WWOX: variants seen among roughly 807,000 people sequenced by gnomAD.
WWOX encodes WW domain containing oxidoreductase, also known as WW domain-containing oxidoreductase.
A neutral mutation model predicts 46.2 loss-of-function variants in WWOX; 69 were observed. The observed-to-expected ratio is 1.49, with a 90% CI of 1.23 to 1.82. The LOEUF is 1.82. Ranked by LOEUF, WWOX falls within the 40% of genes most tolerant of loss-of-function variation. The pLI, the probability that WWOX is intolerant of heterozygous loss-of-function variation, is 0.00. For synonymous variants in WWOX, 359 were observed against 202.6 expected, an observed-to-expected ratio of 1.77 and a Z score of -6.56; for missense variants, 919 against 542.6, an observed-to-expected ratio of 1.69 and a Z score of -6.89.
rs1447332028 is a variant in WWOX at position 78,432,546 on chromosome 16, A to G, written c.850A>G (p.Lys284Glu). The change falls in exon 8 of 9, where the codon AAA (lysine) becomes GAA (glutamate). Residue 284 changes from lysine to glutamate, a missense_variant. By Grantham distance (56) the Lys-to-Glu change is moderately conservative (BLOSUM62 1). Transcript: ENST00000566780. ...GGACTTCAGTCGCCTCTCTCCAACA[A>G]AAAACGACTATTGGGCGATGCTGGC... ...KLDFSRLSPT[K>E]NDYWAMLAYN... is the part of the protein sequence containing the mutation. 2.5e-6 allele frequency: 4 copies of G among 1,614,044 alleles called. No homozygotes were observed. Among genetic ancestry groups the G allele is most frequent in the Admixed American group, 1.7e-5 (1 of 60,002 alleles).
chr16:78,878,482 C>T (rs1211559601), intron 8 of WWOX, among the ~76,000 whole-genome samples: 1 of 152,070 alleles, frequency 6.6e-6, no homozygotes, highest in Non-Finnish European at 1.5e-5. Flanking sequence ...CTTGGGGGAG[C>T]ATCAAATGAA....
intron 8 of WWOX, among the ~76,000 whole-genome samples, chr16:78,546,043 G>T (rs932004587): frequency 2.6e-5 from 4 of 152,166 alleles, no homozygotes; most frequent in Non-Finnish European, 5.9e-5. Context: ...CATGCTCTAT[G>T]CTGGGCACAA....
At chr16:78,149,425 G>A (rs1343247705) in intron 4 of WWOX, among the ~76,000 whole-genome samples, 3 of 152,226 alleles carry the variant, frequency 2.0e-5, no homozygotes, top group Non-Finnish European at 2.9e-5. Flanking sequence ...GCAAAGGACA[G>A]TGTTAATTCT....
At chr16:78,846,890 C>A (rs190537724) in intron 8 of WWOX, among the ~76,000 whole-genome samples, 1 of 152,132 alleles carries the variant, frequency 6.6e-6, no homozygotes, top group African/African-American at 2.4e-5. Flanking sequence ...AAGGCTGTTT[C>A]TTCTTCTCCA....
At chr16:78,903,561 CCCT>C (rs1168527417) in intron 8 of WWOX, among the ~76,000 whole-genome samples, 1 of 152,158 alleles carries the variant, frequency 6.6e-6, no homozygotes, top group Middle Eastern at 3.2e-3. Flanking sequence ...AAAGAGTAGC[CCCT>C]CCTCCTTTTG....
At chr16:79,150,518 G>A (rs1288028628) in intron 8 of WWOX, among the ~76,000 whole-genome samples, 1 of 152,202 alleles carries the variant, frequency 6.6e-6, no homozygotes, top group Non-Finnish European at 1.5e-5. Flanking sequence ...AAGATAGTGT[G>A]CATGCCTCAT....
chr16:78,135,002 C>T (rs1170955206), intron 4 of WWOX, among the ~76,000 whole-genome samples: 1 of 152,158 alleles, frequency 6.6e-6, no homozygotes, highest in Non-Finnish European at 1.5e-5. Context: ...AAGCAATGCA[C>T]AGATAGAAAG....
chr16:78,399,018 G>A (rs542438080), intron 6 of WWOX, among the ~76,000 whole-genome samples: 1 of 148,616 alleles, frequency 6.7e-6, no homozygotes, highest in African/African-American at 2.6e-5. Flanking sequence ...GTGGCTGGCT[G>A]GCTAGATGGA....
chr16:78,345,839 T>C (rs34663492), intron 5 of WWOX, among the ~76,000 whole-genome samples: 43,754 of 116,720 alleles, frequency 0.37, 15,518 homozygotes, highest in Middle Eastern at 0.59. Context: ...TTTGCTTACT[T>C]GCTTGGATTG....
intron 8 of WWOX, among the ~76,000 whole-genome samples, chr16:78,977,276 G>A (rs7186745): frequency 0.14 from 21,146 of 152,166 alleles, 1,512 homozygotes; most frequent in Middle Eastern, 0.29. Flanking sequence ...AGAGAGGTTC[G>A]AGCTCTTAAA....
intron 8 of WWOX, among the ~76,000 whole-genome samples, chr16:78,703,057 C>T (rs930391684): frequency 6.6e-6 from 1 of 152,118 alleles, no homozygotes; most frequent in Non-Finnish European, 1.5e-5. Flanking sequence ...TTGTTGGGAT[C>T]AGAGAAGGCT....
chr16:78,401,938 T>G (rs1025860715), intron 6 of WWOX, among the ~76,000 whole-genome samples: 1 of 152,100 alleles, frequency 6.6e-6, no homozygotes, highest in Non-Finnish European at 1.5e-5. Context: ...GACCTCTAGA[T>G]CCGCCTGCCT....
intron 8 of WWOX, among the ~76,000 whole-genome samples, chr16:78,753,459 T>C: frequency 6.6e-6 from 1 of 152,128 alleles, no homozygotes; most frequent in Non-Finnish European, 1.5e-5. Context: ...CAGTTTTCTT[T>C]GTTGCAGCAA....
intron 5 of WWOX, among the ~76,000 whole-genome samples, chr16:78,302,694 T>A (rs1298123463): frequency 2.0e-5 from 3 of 152,190 alleles, no homozygotes; most frequent in Non-Finnish European, 1.5e-5. Context: ...CCATACCTTA[T>A]TGTCTCCCTT....
rs1276270119 is a variant in WWOX, at chr16:78,115,091, A to AT, written c.348dup (p.Leu117SerfsTer17). On this transcript the variant is annotated frameshift_variant, in exon 4 of 9. Coordinates refer to ENST00000566780, the MANE Select transcript of WWOX (RefSeq NM_016373.4). LOFTEE classifies it high-confidence loss of function. Reference sequence around the variant, plus strand: ...CGACGGCAGCACCACTGCCATGGAAATTCTCCAGGGCCGGGATTTCACTGG... The same window carrying AT: ...CGACGGCAGCACCACTGCCATGGAAATTTCTCCAGGGCCGGGATTTCACTGG... 6.2e-7 allele frequency: 1 copy of AT among 1,614,076 alleles called. No homozygotes were observed. The highest frequency in any genetic ancestry group is 2.2e-5 in the East Asian group (1 of 44,896).
chr16:78,753,349 C>T (rs1233509715), intron 8 of WWOX, among the ~76,000 whole-genome samples: 2 of 152,002 alleles, frequency 1.3e-5, no homozygotes, highest in African/African-American at 4.8e-5. Context: ...GAAAGAACCT[C>T]TTAGGCAACT....
At chr16:78,851,944 G>A (rs887229740) in intron 8 of WWOX, among the ~76,000 whole-genome samples, 2 of 152,226 alleles carry the variant, frequency 1.3e-5, no homozygotes, top group East Asian at 3.9e-4. Context: ...AAAGCCTCTT[G>A]GTTTCTGTAC....
intron 8 of WWOX, among the ~76,000 whole-genome samples, chr16:79,162,295 C>T (rs2347567): frequency 6.6e-6 from 1 of 152,002 alleles, no homozygotes; most frequent in Non-Finnish European, 1.5e-5. Flanking sequence ...GGCTCTAAGG[C>T]GGAATTTACT....
At chr16:78,409,424 T>C (rs1176895744) in intron 6 of WWOX, among the ~76,000 whole-genome samples, 1 of 152,156 alleles carries the variant, frequency 6.6e-6, no homozygotes. Context: ...CTGTCCCTAG[T>C]TGTTTGTCTT....
Sources: gnomAD v4.1 joint callset for allele counts (sites outside exome capture counted in the v4.1 genomes callset) on GRCh38, gnomAD v4.1.1 for gene constraint, MANE v1.5 for transcripts, NCBI Gene and HGNC (gene_info 2026-07-23, HGNC 2026-07-21) for gene names.